Variants in TENM1 observed in about 807,000 individuals in gnomAD.
TENM1 encodes teneurin-1.
TENM1 carries 35 observed loss-of-function variants against 174.8 expected under a neutral mutation model. The observed-to-expected ratio is 0.20, with a 90% CI of 0.15 to 0.27. TENM1 has a LOEUF of 0.27. Among genes scored for constraint, TENM1 ranks in the 10% least tolerant of loss-of-function variants. The pLI is 1.00. For synonymous variants in TENM1, 781 were observed against 798.7 expected, an observed-to-expected ratio of 0.98 and a Z score of 0.37; for missense variants, 1,633 against 2,130.1, an observed-to-expected ratio of 0.77 and a Z score of 4.59.
At chrX:124,571,179 A>G (rs2049046427) in intron 11 of TENM1, among the ~76,000 whole-genome samples, 1 of 112,250 alleles carries the variant, frequency 8.9e-6, no homozygotes, top group Non-Finnish European at 1.9e-5. Flanking sequence ...GTAAAATTAG[A>G]AATCAATAAA....
intron 3 of TENM1, among the ~76,000 whole-genome samples, chrX:124,843,556 C>A (rs1218403544): frequency 9.0e-6 from 1 of 111,669 alleles, no homozygotes; most frequent in Non-Finnish European, 1.9e-5. Context: ...CTTAGTGGTT[C>A]TTTAGCCAGT....
At chrX:125,087,510 T>C in the TENM1 span, among the ~76,000 whole-genome samples, 1 of 111,313 alleles carries the variant, frequency 9.0e-6, no homozygotes, top group South Asian at 3.7e-4. Context: ...TGAGGTCACA[T>C]TGCTTTTCAG....
At chrX:124,546,644 T>C (rs1308024035) in intron 15 of TENM1, among the ~76,000 whole-genome samples, 1 of 112,002 alleles carries the variant, frequency 8.9e-6, no homozygotes, top group African/African-American at 3.2e-5. Context: ...AGCCATATTA[T>C]ATATATACAT....
chrX:124,516,995 G>A (rs1377208420), intron 18 of TENM1, among the ~76,000 whole-genome samples: 1 of 111,706 alleles, frequency 9.0e-6, no homozygotes, highest in Non-Finnish European at 1.9e-5. Context: ...TGTGTCTTTT[G>A]CGGGAACATG....
At chrX:124,451,966 G>A (rs1410603935) in intron 23 of TENM1, among the ~76,000 whole-genome samples, 1 of 111,906 alleles carries the variant, frequency 8.9e-6, no homozygotes, top group African/African-American at 3.3e-5. Context: ...GCATGGGCAA[G>A]GACTTCATGT....
At chrX:125,196,762 G>A in the TENM1 span, among the ~76,000 whole-genome samples, 1 of 111,362 alleles carries the variant, frequency 9.0e-6, no homozygotes, top group Non-Finnish European at 1.9e-5. Flanking sequence ...AGGTGCAAAG[G>A]ATGTGTAGCA....
chrX:125,063,981 T>TA, the TENM1 span, among the ~76,000 whole-genome samples: 546 of 110,678 alleles, frequency 4.9e-3, no homozygotes, highest in African/African-American at 0.017. Context: ...TATGCAGCCA[T>TA]AAAAAAGGAT....
In TENM1 at chrX:124,894,297, T is replaced by G. The variant is rs781336164; in HGVS notation, c.534A>C (p.Gln178His). ...GATCAAATATTTGAAAACACTTGCC[T>G]TGAGTAGACCCAGCTTGAGCCTCCA... is the stretch of plus-strand genomic sequence containing the variant. Residue 178 changes from glutamine to histidine, a missense_variant and splice_region_variant, in exon 3 of 32, where the codon CAA becomes CAC. Physicochemically the swap from Gln to His is conservative, Grantham distance 24. Transcript: ENST00000422452. The G allele has an allele frequency of 1.0e-5, 12 of 1,199,157 alleles. No homozygotes were observed. In the South Asian group the frequency reaches 1.4e-4, roughly 14 times the overall value.
intron 3 of TENM1, among the ~76,000 whole-genome samples, chrX:124,859,114 T>A (rs1400437326): frequency 2.7e-5 from 3 of 111,683 alleles, no homozygotes; most frequent in Non-Finnish European, 5.6e-5. Context: ...TGGCTAGAGG[T>A]ACCTGGTAAT....
At chrX:124,876,579 C>T (rs754888344) in intron 3 of TENM1, among the ~76,000 whole-genome samples, 1 of 111,712 alleles carries the variant, frequency 9.0e-6, no homozygotes, top group East Asian at 2.8e-4. Flanking sequence ...TGGAAGCTTT[C>T]ATTTAATTAT....
intron 3 of TENM1, among the ~76,000 whole-genome samples, chrX:124,820,615 G>A (rs1410758217): frequency 1.8e-5 from 2 of 112,335 alleles, no homozygotes; most frequent in Non-Finnish European, 3.8e-5. Flanking sequence ...TTTAGTCTCA[G>A]TACTCTGCAT....
chrX:124,911,077 G>A (rs777919244), intron 1 of TENM1, among the ~76,000 whole-genome samples: 2 of 109,821 alleles, frequency 1.8e-5, no homozygotes, highest in Admixed American at 9.7e-5. Flanking sequence ...CACCACACCC[G>A]GCTAATTTTT....
the TENM1 span, among the ~76,000 whole-genome samples, chrX:124,968,830 A>C: frequency 1.9e-4 from 21 of 111,950 alleles, no homozygotes; most frequent in Non-Finnish European, 2.8e-4. Flanking sequence ...ATATTTGTCA[A>C]AGGCTTGAGA....
intron 5 of TENM1, among the ~76,000 whole-genome samples, chrX:124,675,122 C>T (rs1181611901): frequency 9.0e-6 from 1 of 111,588 alleles, no homozygotes; most frequent in Non-Finnish European, 1.9e-5. Context: ...TCTTTGAGAG[C>T]AGTGAAGCTT....
intron 19 of TENM1, among the ~76,000 whole-genome samples, chrX:124,499,908 A>G (rs1178719820): frequency 8.9e-6 from 1 of 112,040 alleles, no homozygotes; most frequent in East Asian, 2.8e-4. Context: ...GCTTGGAAAT[A>G]CCAGATTTGC....
chrX:124,752,502 T>A (rs1260309678), intron 3 of TENM1, among the ~76,000 whole-genome samples: 1 of 111,846 alleles, frequency 8.9e-6, no homozygotes, highest in African/African-American at 3.3e-5. Flanking sequence ...TTTAATGAGA[T>A]CCCATTTGTC....
rs186906188 is a variant in TENM1, at chrX:124,473,508, G to A, written c.3949+8224C>T. On this transcript the variant is annotated intron_variant, in intron 22 of 31. Coordinates refer to ENST00000422452, the Ensembl canonical transcript of TENM1. Reference sequence around the variant, plus strand: ...AAAAGAGGAACCAGAATTCCAAGCTGTCAGTCTTTGCATGTAGGCGTCCAA... The same window carrying A: ...AAAAGAGGAACCAGAATTCCAAGCTATCAGTCTTTGCATGTAGGCGTCCAA... Among the ~76,000 whole-genome samples, 95 of 111,637 alleles carry A rather than the reference G, an allele frequency of 8.5e-4. 2 individuals are homozygous for A. The highest frequency in any genetic ancestry group is 6.0e-3 in the Admixed American group (63 of 10,472).
chrX:125,006,896 T>C, the TENM1 span, among the ~76,000 whole-genome samples: 1 of 111,194 alleles, frequency 9.0e-6, no homozygotes, highest in Non-Finnish European at 1.9e-5. Flanking sequence ...AGATCAAAGG[T>C]AGATACATCC....
At chrX:125,059,835 G>A in the TENM1 span, among the ~76,000 whole-genome samples, 1 of 110,858 alleles carries the variant, frequency 9.0e-6, no homozygotes, top group African/African-American at 3.3e-5. Flanking sequence ...TAGGCCTGGA[G>A]GACATTATGC....
Sources: gnomAD v4.1 joint callset for allele counts (sites outside exome capture counted in the v4.1 genomes callset) on GRCh38, gnomAD v4.1.1 for gene constraint, MANE v1.5 for transcripts, NCBI Gene and HGNC (gene_info 2026-07-23, HGNC 2026-07-21) for gene names.